Variants in NTM observed in about 807,000 individuals in gnomAD.
NTM encodes neurotrimin, also known as IgLON family member 2.
In NTM, 13 loss-of-function variants were observed where a neutral mutation model predicts 42.1. That is an observed-to-expected ratio of 0.31 (90% CI 0.20 to 0.49). NTM has a LOEUF of 0.49. NTM is among the 20% of genes least tolerant of loss of function. The pLI is 0.99. For synonymous variants in NTM, 187 were observed against 179.2 expected (o/e 1.04, Z -0.35); for missense variants, 373 against 452.8 (o/e 0.82, Z 1.60).
chr11:132,072,579 T>A (rs1247690641), intron 2 of NTM, among the ~76,000 whole-genome samples: 2 of 152,182 alleles, frequency 1.3e-5, no homozygotes, highest in African/African-American at 4.8e-5. Flanking sequence ...TAAGTGGAGA[T>A]GTGAATGGAA....
At chr11:132,254,180 G>C (rs1412519525) in intron 4 of NTM, among the ~76,000 whole-genome samples, 2 of 152,052 alleles carry the variant, frequency 1.3e-5, no homozygotes, top group African/African-American at 4.8e-5. Context: ...CACTGACAGG[G>C]CCTGTGTGTT....
chr11:131,716,903 C>T (rs1158092887), intron 1 of NTM, among the ~76,000 whole-genome samples: 1 of 152,160 alleles, frequency 6.6e-6, no homozygotes, highest in African/African-American at 2.4e-5. Flanking sequence ...TGCAGTGGCA[C>T]AATCATAGCT....
At chr11:131,401,828 A>ATATATATATGTATG (rs1945232491) in intron 1 of NTM, among the ~76,000 whole-genome samples, 1 of 53,368 alleles carries the variant, frequency 1.9e-5, no homozygotes, top group African/African-American at 7.7e-5. Flanking sequence ...ATATATATAT[A>ATATATATATGTATG]TATATATATA....
intron 1 of NTM, among the ~76,000 whole-genome samples, chr11:131,745,392 G>T (rs1664859660): frequency 6.6e-6 from 1 of 152,200 alleles, no homozygotes; most frequent in African/African-American, 2.4e-5. Context: ...TGAGGCCAAA[G>T]TGATGGAATA....
chr11:131,943,364 G>C (rs2060008161), intron 2 of NTM, among the ~76,000 whole-genome samples: 1 of 152,254 alleles, frequency 6.6e-6, no homozygotes. Context: ...CTAGAGGTCA[G>C]TCCCAGAGCC....
intron 1 of NTM, among the ~76,000 whole-genome samples, chr11:131,598,693 T>TTCTTTC (rs1231864887): frequency 2.2e-5 from 1 of 45,422 alleles, no homozygotes. Flanking sequence ...TTTTCTTTCT[T>TTCTTTC]TCTTTCTTTC....
intron 1 of NTM, among the ~76,000 whole-genome samples, chr11:131,739,554 A>G (rs1487456591): frequency 3.3e-5 from 5 of 152,196 alleles, no homozygotes; most frequent in Non-Finnish European, 5.9e-5. Context: ...TGGCATACCT[A>G]TGTGCATGCT....
chr11:131,805,992 T>C (rs1341487065), intron 1 of NTM, among the ~76,000 whole-genome samples: 5 of 152,242 alleles, frequency 3.3e-5, no homozygotes, highest in Admixed American at 3.3e-4. Flanking sequence ...TAACATATTT[T>C]CTATGGGAAA....
chr11:131,536,749 G>A (rs1373546523), intron 1 of NTM: 1 of 152,188 alleles, frequency 6.6e-6, no homozygotes, highest in African/African-American at 2.4e-5. Flanking sequence ...GTGAGACAGA[G>A]GCACACGTCT....
At chr11:131,571,777 C>G (rs76707846) in intron 1 of NTM, among the ~76,000 whole-genome samples, 3,539 of 152,300 alleles carry the variant, frequency 0.023, 136 homozygotes, top group African/African-American at 0.08. Context: ...AGTCTGAATC[C>G]TGTACTATTT....
intron 1 of NTM, among the ~76,000 whole-genome samples, chr11:131,672,836 C>G (rs57293499): frequency 0.049 from 6,039 of 123,148 alleles, 508 homozygotes; most frequent in African/African-American, 0.19. Context: ...GAGAAGACCA[C>G]GGTGCCGGGG....
chr11:132,019,622 A>C (rs114400011), intron 2 of NTM, among the ~76,000 whole-genome samples: 432 of 152,124 alleles, frequency 2.8e-3, no homozygotes, highest in African/African-American at 0.01. Flanking sequence ...GGTATTAAAA[A>C]AATTTCCTTT....
chr11:131,460,130 C>T (rs967492012), intron 1 of NTM, among the ~76,000 whole-genome samples: 4 of 152,114 alleles, frequency 2.6e-5, no homozygotes, highest in African/African-American at 9.7e-5. Flanking sequence ...ACTTTATTTC[C>T]AGCATTATAA....
At chr11:131,690,347 C>T (rs1001245186) in intron 1 of NTM, among the ~76,000 whole-genome samples, 3 of 152,172 alleles carry the variant, frequency 2.0e-5, no homozygotes, top group Non-Finnish European at 4.4e-5. Context: ...GATGTGAACC[C>T]CAGTACCAGA....
intron 1 of NTM, among the ~76,000 whole-genome samples, chr11:131,450,296 T>C (rs1448363): frequency 0.76 from 115,859 of 152,142 alleles, 44,800 homozygotes; most frequent in East Asian, 0.97. Flanking sequence ...ATGCATGGGG[T>C]GAGGAAGTGG....
chr11:131,568,799 C>A (rs578052804), intron 1 of NTM, among the ~76,000 whole-genome samples: 1 of 152,192 alleles, frequency 6.6e-6, no homozygotes, highest in African/African-American at 2.4e-5. Flanking sequence ...TATGAGGGGG[C>A]CTTAGTAATG....
chr11:131,558,729 A>G (rs891222575), intron 1 of NTM, among the ~76,000 whole-genome samples: 1 of 152,150 alleles, frequency 6.6e-6, no homozygotes, highest in African/African-American at 2.4e-5. Flanking sequence ...GAATAGCTAC[A>G]CATAAGGTTC....
At chr11:132,225,110 T>A (rs2085939004) in intron 4 of NTM, among the ~76,000 whole-genome samples, 1 of 152,196 alleles carries the variant, frequency 6.6e-6, no homozygotes. Flanking sequence ...AGATATATGA[T>A]AAATAGGCAG....
At chr11:131,660,346 G>A (rs2067833340) in intron 1 of NTM, 1 of 381,650 alleles carries the variant, frequency 2.6e-6, no homozygotes, top group African/African-American at 2.1e-5. Context: ...GAGACCTTGG[G>A]TGAATTCATT....
Sources: gnomAD v4.1 joint callset for allele counts (sites outside exome capture counted in the v4.1 genomes callset) on GRCh38, gnomAD v4.1.1 for gene constraint, MANE v1.5 for transcripts, NCBI Gene and HGNC (gene_info 2026-07-23, HGNC 2026-07-21) for gene names.